PCDHA12: variants seen among roughly 807,000 people sequenced by gnomAD.
PCDHA12 encodes the protein protocadherin alpha 12.
In PCDHA12, 44 loss-of-function variants were observed where a neutral mutation model predicts 60.0. That is an observed-to-expected ratio of 0.73 (90% CI 0.58 to 0.94). The LOEUF is 0.94. Among genes scored for constraint, PCDHA12 ranks in the 40% least tolerant of loss-of-function variants. The pLI, the probability that PCDHA12 is intolerant of heterozygous loss-of-function variation, is 0.00. For synonymous variants in PCDHA12, 569 were observed against 553.0 expected (o/e 1.03, Z -0.40); for missense variants, 1,276 against 1,239.7 (o/e 1.03, Z -0.44).
At chr5:140,886,651 C>T (rs1427441330) in intron 1 of PCDHA12, among the ~76,000 whole-genome samples, 4 of 151,902 alleles carry the variant, frequency 2.6e-5, no homozygotes, top group Non-Finnish European at 4.4e-5. Context: ...CATGGTGAAA[C>T]CCTGTCTCTA....
chr5:140,913,781 A>G (rs1554196050), intron 1 of PCDHA12, among the ~76,000 whole-genome samples: 2 of 151,976 alleles, frequency 1.3e-5, no homozygotes, highest in African/African-American at 4.8e-5. Flanking sequence ...TTGTGTTTCC[A>G]TTATCATTTG....
At chr5:140,937,878 C>G (rs2091818368) in intron 1 of PCDHA12, among the ~76,000 whole-genome samples, 1 of 150,504 alleles carries the variant, frequency 6.6e-6, no homozygotes, top group Admixed American at 6.6e-5. Context: ...CGCCACTGCA[C>G]TCCAGCCTGG....
At chr5:141,006,382 T>A (rs2098271166) in intron 3 of PCDHA12, among the ~76,000 whole-genome samples, 1 of 151,910 alleles carries the variant, frequency 6.6e-6, no homozygotes, top group African/African-American at 2.4e-5. Context: ...CGGCTAAGTT[T>A]TTTCTATTTT....
rs545349225 is a variant in PCDHA12, at chr5:140,969,608, C to T, written c.2368-9341C>T. On this transcript the variant is annotated intron_variant, in intron 1 of 3. Coordinates refer to ENST00000398631, the MANE Select transcript of PCDHA12 (RefSeq NM_018903.4). ...AGTCTTAATATTTAATGCTAAAACA[C>T]AGATTTGTAGAGAAACAGGACAGGC... 646 of 747,324 alleles carry T rather than the reference C, an allele frequency of 8.6e-4. 1 individual carries two copies. Among genetic ancestry groups the T allele is most frequent in the Middle Eastern group, 3.2e-3 (8 of 2,532 alleles). The allele number at this position is 747,324 out of a possible 1,614,324, so 46.3% of individuals were successfully genotyped here. A position where few individuals can be genotyped will look rare whatever the true frequency, so the allele number is the denominator to read the frequency against.
chr5:140,883,616 G>T (rs781929949), intron 1 of PCDHA12: 69 of 1,613,896 alleles, frequency 4.3e-5, no homozygotes, highest in Non-Finnish European at 5.7e-5. Flanking sequence ...CGACGTGAAC[G>T]ACAACGCGCC....
chr5:141,010,612 A>C lies in PCDHA12; in HGVS notation c.*675A>C. Reference sequence around the variant, plus strand: ...GTTGGCTGTGACGTCATTATACCTAAAATCTGCATCATACCTGCAAGCCAA... The same window carrying C: ...GTTGGCTGTGACGTCATTATACCTACAATCTGCATCATACCTGCAAGCCAA... On this transcript the variant is annotated 3_prime_UTR_variant, in exon 4 of 4. Transcript: ENST00000398631. 1 of 196,976 alleles carries C rather than the reference A, an allele frequency of 5.1e-6. No individual in the cohort carries two copies. The highest frequency in any genetic ancestry group is 1.0e-5 in the Non-Finnish European group (1 of 95,484). 12.2% of individuals were successfully genotyped at this position (196,976 alleles called of 1,614,324 possible). A position where few individuals can be genotyped will look rare whatever the true frequency, so the allele number is the denominator to read the frequency against.
At chr5:140,916,825 C>T (rs2077750975) in intron 1 of PCDHA12, among the ~76,000 whole-genome samples, 1 of 152,144 alleles carries the variant, frequency 6.6e-6, no homozygotes, top group Non-Finnish European at 1.5e-5. Context: ...CCACCCCTAT[C>T]CCTCTGGTTC....
intron 3 of PCDHA12, among the ~76,000 whole-genome samples, chr5:141,001,681 A>G (rs2153971146): frequency 6.6e-6 from 1 of 151,672 alleles, no homozygotes; most frequent in East Asian, 2.0e-4. Context: ...GGTCCAACAA[A>G]CCCCACAGAT....
At chr5:140,910,399 T>G (rs1461842314) in intron 1 of PCDHA12, among the ~76,000 whole-genome samples, 1 of 152,172 alleles carries the variant, frequency 6.6e-6, no homozygotes, top group East Asian at 1.9e-4. Context: ...GACTGGCCCC[T>G]GCCACCTCGA....
At chr5:140,928,856 T>G (rs540865490) in intron 1 of PCDHA12, 1 of 1,614,218 alleles carries the variant, frequency 6.2e-7, no homozygotes, top group African/African-American at 1.3e-5. Context: ...CTGGGTGTGC[T>G]GTTGAGCAAC....
At chr5:140,957,912 T>A (rs570961362) in intron 1 of PCDHA12, among the ~76,000 whole-genome samples, 1 of 152,256 alleles carries the variant, frequency 6.6e-6, no homozygotes, top group Non-Finnish European at 1.5e-5. Context: ...CATATTGTTA[T>A]CTATGTATCA....
intron 1 of PCDHA12, among the ~76,000 whole-genome samples, chr5:140,918,819 TG>T (rs2078870306): frequency 1.6e-5 from 1 of 61,992 alleles, no homozygotes; most frequent in Admixed American, 1.3e-4. Flanking sequence ...AACCAAAAAG[TG>T]GCCCCCTCCC....
chr5:140,943,090 C>G (rs554425182), intron 1 of PCDHA12, among the ~76,000 whole-genome samples: 3 of 151,542 alleles, frequency 2.0e-5, no homozygotes, highest in African/African-American at 7.3e-5. Context: ...AATCCTGCCT[C>G]TACTAAAAAA....
intron 1 of PCDHA12, chr5:140,929,480 G>T: frequency 8.4e-7 from 1 of 1,195,420 alleles, no homozygotes; most frequent in Non-Finnish European, 1.1e-6. Flanking sequence ...TGGAAGTATA[G>T]AAGTATTAGA....
chr5:140,967,472 G>A, intron 1 of PCDHA12: 1 of 1,613,430 alleles, frequency 6.2e-7, no homozygotes, highest in Non-Finnish European at 8.5e-7. Flanking sequence ...GGGCATCCCA[G>A]CCCGCTCGGG....
chr5:141,000,173 C>T (rs2097895007), intron 3 of PCDHA12, among the ~76,000 whole-genome samples: 1 of 151,968 alleles, frequency 6.6e-6, no homozygotes, highest in Non-Finnish European at 1.5e-5. Flanking sequence ...ATTATTGAGC[C>T]AAGGAGTCAA....
chr5:140,908,405 C>T (rs2073952752), intron 1 of PCDHA12, among the ~76,000 whole-genome samples: 1 of 152,150 alleles, frequency 6.6e-6, no homozygotes, highest in Non-Finnish European at 1.5e-5. Flanking sequence ...ATACCACTTC[C>T]ATTTGATGAT....
At chr5:140,956,363 A>G (rs938643620) in intron 1 of PCDHA12, among the ~76,000 whole-genome samples, 2 of 152,026 alleles carry the variant, frequency 1.3e-5, no homozygotes, top group African/African-American at 4.8e-5. Context: ...ACATGAAGGG[A>G]TGTTGAATTT....
At chr5:140,928,851 T>G (rs1554206396) in intron 1 of PCDHA12, 1 of 1,614,192 alleles carries the variant, frequency 6.2e-7, no homozygotes, top group Non-Finnish European at 8.5e-7. Flanking sequence ...TCACTCTGGG[T>G]GTGCTGTTGA....
Sources: gnomAD v4.1 joint callset for allele counts (sites outside exome capture counted in the v4.1 genomes callset) on GRCh38, gnomAD v4.1.1 for gene constraint, MANE v1.5 for transcripts, NCBI Gene and HGNC (gene_info 2026-07-23, HGNC 2026-07-21) for gene names.